Variants in NBEA observed in about 807,000 individuals in gnomAD.
NBEA encodes the protein neurobeachin.
In NBEA, 44 loss-of-function variants were observed where a neutral mutation model predicts 343.4. The ratio of observed to expected loss-of-function variants is 0.13; its 90% confidence interval spans 0.10 to 0.16. NBEA has a LOEUF of 0.16. Ranked by LOEUF, NBEA falls within the 10% of genes least tolerant of loss-of-function variation. The probability of loss-of-function intolerance (pLI) is 1.00; values close to 1 mark genes in which losing one functional copy is unlikely to be tolerated. For missense variants in NBEA, 2,555 were observed against 3,631.3 expected (o/e 0.70, Z 7.62); for synonymous variants, 1,175 against 1,238.7 (o/e 0.95, Z 1.08).
intron 4 of NBEA, among the ~76,000 whole-genome samples, chr13:35,045,667 C>T (rs1448019730): frequency 6.6e-6 from 1 of 152,034 alleles, no homozygotes; most frequent in Non-Finnish European, 1.5e-5. Flanking sequence ...TTTGCCTTTT[C>T]TAGATTGTCA....
At chr13:35,649,204 A>C (rs192765967) in intron 51 of NBEA, among the ~76,000 whole-genome samples, 2 of 152,318 alleles carry the variant, frequency 1.3e-5, no homozygotes, top group East Asian at 3.9e-4. Flanking sequence ...GACTGTAGTC[A>C]TGACCCCAGA....
intron 37 of NBEA, among the ~76,000 whole-genome samples, chr13:35,351,735 C>T (rs995980591): frequency 6.6e-6 from 1 of 151,916 alleles, no homozygotes. Flanking sequence ...ATCACATTAC[C>T]ATTCATGAAA....
intron 10 of NBEA, among the ~76,000 whole-genome samples, chr13:35,072,872 G>A (rs538791386): frequency 2.6e-5 from 4 of 152,076 alleles, no homozygotes; most frequent in African/African-American, 9.6e-5. Context: ...CCTGTTTATA[G>A]TTTAGCCAAT....
intron 1 of NBEA, among the ~76,000 whole-genome samples, chr13:35,021,106 T>C (rs1229035280): frequency 1.3e-5 from 2 of 152,196 alleles, no homozygotes; most frequent in Non-Finnish European, 2.9e-5. Flanking sequence ...TTAATTTAGC[T>C]CTCATTTTTT....
intron 44 of NBEA, among the ~76,000 whole-genome samples, chr13:35,564,284 A>G (rs1057236925): frequency 6.6e-6 from 1 of 152,008 alleles, no homozygotes; most frequent in Non-Finnish European, 1.5e-5. Context: ...TTTAAGTAAT[A>G]TATGTTATAT....
chr13:35,352,360 A>C (rs9565205), intron 38 of NBEA, 37 bp downstream of exon 38: 1 of 1,198,954 alleles, frequency 8.3e-7, no homozygotes, highest in African/African-American at 1.6e-5. Context: ...AATAATTCAT[A>C]GGTTAATTAT....
intron 44 of NBEA, among the ~76,000 whole-genome samples, chr13:35,559,749 A>G (rs1033733427): frequency 3.9e-5 from 6 of 151,986 alleles, no homozygotes; most frequent in African/African-American, 7.2e-5. Context: ...CCCCGTCTCT[A>G]CTAAAAATAC....
intron 47 of NBEA, among the ~76,000 whole-genome samples, chr13:35,604,806 GC>G (rs1231567251): frequency 1.3e-5 from 2 of 151,948 alleles, no homozygotes; most frequent in Non-Finnish European, 2.9e-5. Context: ...CCCTGAGGGT[GC>G]CCGGCCCCCT....
intron 25 of NBEA, among the ~76,000 whole-genome samples, chr13:35,169,345 C>T (rs2070285933): frequency 1.3e-5 from 2 of 151,250 alleles, no homozygotes; most frequent in Admixed American, 6.6e-5. Context: ...TTTTTTAGCC[C>T]TATCTTTTGA....
rs777552196 is a variant in NBEA, at chr13:34,942,906, G to GCGGGGGCAGCGGTGGTGGCGGCAC, written c.99_122dup (p.Gly34_Gly41dup). ...GCCGTCGGGGCCGCTGGCGGAGGCG[G>GCGGGGGCAGCGGTGGTGGCGGCAC]CGGGGGCAGCGGTGGTGGCGGCACC... is the stretch of plus-strand genomic sequence containing the variant. On this transcript the variant is annotated inframe_insertion, in exon 1 of 59. Transcript: ENST00000379939. 5.4e-6 allele frequency: 8 copies of GCGGGGGCAGCGGTGGTGGCGGCAC among 1,483,726 alleles called. No homozygotes were observed. Among genetic ancestry groups the GCGGGGGCAGCGGTGGTGGCGGCAC allele is most frequent in the Non-Finnish European group, 7.2e-6 (8 of 1,113,048 alleles). The allele number at this position is 1,483,726 out of a possible 1,614,324, so 91.9% of individuals were successfully genotyped here.
intron 30 of NBEA, among the ~76,000 whole-genome samples, chr13:35,188,079 A>T (rs2152735290): frequency 6.6e-6 from 1 of 151,714 alleles, no homozygotes; most frequent in East Asian, 1.9e-4. Context: ...CCTTTCTTCT[A>T]TTCAGTGCTT....
At chr13:35,235,330 C>T (rs201490167) in intron 34 of NBEA, among the ~76,000 whole-genome samples, 1 of 152,110 alleles carries the variant, frequency 6.6e-6, no homozygotes, top group African/African-American at 2.4e-5. Flanking sequence ...ATTGAAAAAA[C>T]AAATCTTAAA....
At chr13:35,293,839 A>G (rs2035949040) in intron 35 of NBEA, among the ~76,000 whole-genome samples, 2 of 152,026 alleles carry the variant, frequency 1.3e-5, no homozygotes, top group Non-Finnish European at 2.9e-5. Flanking sequence ...GTAAGTTTTT[A>G]TAAGTAAAGC....
chr13:35,125,424 T>C (rs1401996108), intron 17 of NBEA, among the ~76,000 whole-genome samples: 4 of 152,190 alleles, frequency 2.6e-5, no homozygotes, highest in South Asian at 2.1e-4. Context: ...ATAATAGATA[T>C]ACATATATCA....
intron 8 of NBEA, among the ~76,000 whole-genome samples, chr13:35,069,372 A>G (rs1440546529): frequency 1.3e-5 from 2 of 151,162 alleles, no homozygotes; most frequent in Non-Finnish European, 3.0e-5. Flanking sequence ...TGTTTTAATG[A>G]ACTTCTCTTC....
At chr13:35,609,633 A>G (rs1317712291) in intron 48 of NBEA, among the ~76,000 whole-genome samples, 3 of 152,196 alleles carry the variant, frequency 2.0e-5, no homozygotes, top group Non-Finnish European at 4.4e-5. Context: ...GTTTCTCATT[A>G]TAGTTATTTA....
chr13:35,442,608 A>G (rs912360764), intron 39 of NBEA, among the ~76,000 whole-genome samples: 5 of 152,172 alleles, frequency 3.3e-5, no homozygotes, highest in Admixed American at 1.3e-4. Flanking sequence ...AAATTCAATA[A>G]TATTTTCTTG....
intron 1 of NBEA, among the ~76,000 whole-genome samples, chr13:35,025,407 A>G (rs1257132235): frequency 1.3e-5 from 2 of 152,126 alleles, no homozygotes; most frequent in Admixed American, 6.6e-5. Flanking sequence ...CCCCAGCACC[A>G]TTTATTGAGT....
At chr13:35,014,616 G>T (rs2061589133) in intron 1 of NBEA, among the ~76,000 whole-genome samples, 2 of 152,100 alleles carry the variant, frequency 1.3e-5, no homozygotes, top group Admixed American at 1.3e-4. Flanking sequence ...AAAAGCAGGG[G>T]TCTACTGGGA....
Sources: allele counts gnomAD v4.1 joint callset (sites outside exome capture counted in the v4.1 genomes callset), GRCh38; gene constraint gnomAD v4.1.1; transcripts MANE v1.5; gene names NCBI Gene and HGNC (gene_info 2026-07-23, HGNC 2026-07-21).